The following MTCL1 variants were observed in gnomAD, a reference collection of about 807,000 sequenced individuals.
MTCL1 encodes the protein microtubule crosslinking factor 1.
In MTCL1, 79 loss-of-function variants were observed where a neutral mutation model predicts 141.4. The ratio of observed to expected loss-of-function variants is 0.56; its 90% confidence interval spans 0.47 to 0.67. The LOEUF (loss-of-function observed/expected upper bound fraction) is 0.67, where lower values mean the gene tolerates loss of function less well. Ranked by LOEUF, MTCL1 falls within the 30% of genes least tolerant of loss-of-function variation. The pLI is 0.00. For missense variants in MTCL1, 2,177 were observed against 2,113.9 expected (o/e 1.03, Z -0.59); for synonymous variants, 914 against 875.8 (o/e 1.04, Z -0.77).
chr18:8,815,021 G>T (rs1320920806), intron 12 of MTCL1, among the ~76,000 whole-genome samples: 1 of 152,136 alleles, frequency 6.6e-6, no homozygotes, highest in African/African-American at 2.4e-5. Flanking sequence ...TACACTGTTG[G>T]TGGGACTGTA....
intron 4 of MTCL1, among the ~76,000 whole-genome samples, chr18:8,737,076 C>T (rs2096278094): frequency 6.6e-6 from 1 of 152,218 alleles, no homozygotes; most frequent in African/African-American, 2.4e-5. Context: ...CTCCAGAAGA[C>T]ACCTTTTTGC....
Position 8,762,756 on chromosome 18 carries a change from A to C in MTCL1, c.358-15077A>C, listed in dbSNP as rs944381257. Among the ~76,000 whole-genome samples, 4 of 152,242 alleles carry C rather than the reference A, an allele frequency of 2.6e-5. 1 individual carries two copies. Among genetic ancestry groups the C allele is most frequent in the East Asian group, 1.9e-4 (1 of 5,158 alleles). Reference sequence around the variant, plus strand: ...CACAGCATGGGATGTGCAGGAAGGAAGCAATTGGGGAGCCCCTCTCGGTGA... The same window carrying C: ...CACAGCATGGGATGTGCAGGAAGGACGCAATTGGGGAGCCCCTCTCGGTGA... On this transcript the variant is annotated intron_variant, in intron 4 of 16. Coordinates refer to ENST00000359865, the Ensembl canonical transcript of MTCL1.
chr18:8,766,222 G>A (rs1265213754), intron 4 of MTCL1, among the ~76,000 whole-genome samples: 2 of 152,208 alleles, frequency 1.3e-5, no homozygotes, highest in Non-Finnish European at 2.9e-5. Flanking sequence ...CCAGGCCTGC[G>A]TTTCAGCAGG....
intron 4 of MTCL1, among the ~76,000 whole-genome samples, chr18:8,725,331 T>A (rs1395335614): frequency 2.6e-5 from 4 of 152,202 alleles, no homozygotes; most frequent in African/African-American, 9.7e-5. Context: ...TTGAGACTTC[T>A]TTTGTGCATA....
chr18:8,708,488 C>T (rs980717865), intron 1 of MTCL1, among the ~76,000 whole-genome samples: 12 of 152,078 alleles, frequency 7.9e-5, no homozygotes, highest in East Asian at 3.8e-4. Context: ...ATTTCACAGA[C>T]GGAGATGCTG....
intron 4 of MTCL1, among the ~76,000 whole-genome samples, chr18:8,751,262 G>A (rs147599374): frequency 1.2e-3 from 183 of 152,360 alleles, no homozygotes; most frequent in African/African-American, 4.1e-3. Context: ...GCTTGTGTGT[G>A]TTCTGTCAAA....
chr18:8,830,337 C>A lies in MTCL1; in HGVS notation c.*19-1270C>A. ...TTCCAGCCACAAAAGCAGCAGGGAG[C>A]ATGAAGCATAGTCTCCAGGGCCACT... On this transcript the variant is annotated intron_variant, in intron 16 of 16. Coordinates refer to ENST00000359865, the Ensembl canonical transcript of MTCL1. The surrounding 1 kb of genome is among the most constrained non-coding windows in gnomAD (Gnocchi z 6.4). 1 of 985,558 alleles carries A rather than the reference C, an allele frequency of 1.0e-6. No homozygotes were observed. Among genetic ancestry groups the A allele is most frequent in the African/African-American group, 1.7e-5 (1 of 57,376 alleles). The allele number at this position is 985,558 out of a possible 1,614,324, so 61.1% of individuals were successfully genotyped here. A position where few individuals can be genotyped will look rare whatever the true frequency, so the allele number is the denominator to read the frequency against.
intron 10 of MTCL1, among the ~76,000 whole-genome samples, chr18:8,798,681 A>T (rs903852175): frequency 6.6e-5 from 10 of 152,340 alleles, no homozygotes; most frequent in African/African-American, 1.9e-4. Context: ...CATGGACAAA[A>T]TATTTCAAGT....
rs537716747 is a variant in MTCL1, at chr18:8,745,936, A to G, written c.357+25440A>G. Among the ~76,000 whole-genome samples, 154 of 152,008 alleles carry G rather than the reference A, an allele frequency of 1.0e-3. 1 individual carries two copies. Among genetic ancestry groups the G allele is most frequent in the African/African-American group, 3.5e-3 (146 of 41,450 alleles). Reference sequence around the variant, plus strand: ...CCTGGCAACCACCATTCTATTTTCTACCTCTATGAAACTGCTATTCTGTGT... The same window carrying G: ...CCTGGCAACCACCATTCTATTTTCTGCCTCTATGAAACTGCTATTCTGTGT... On this transcript the variant is annotated intron_variant, in intron 4 of 16. Transcript: ENST00000359865.
At chr18:8,821,725 A>C (rs1358122085) in intron 14 of MTCL1, among the ~76,000 whole-genome samples, 2 of 152,188 alleles carry the variant, frequency 1.3e-5, no homozygotes, top group African/African-American at 4.8e-5. Flanking sequence ...TTTTATGGTA[A>C]GGACTTTCCA....
chr18:8,816,991 CACTT>C (rs1319612735), intron 12 of MTCL1, among the ~76,000 whole-genome samples: 1 of 152,170 alleles, frequency 6.6e-6, no homozygotes, highest in Non-Finnish European at 1.5e-5. Context: ...GGAAACCTAA[CACTT>C]AGCAGCTTGA....
chr18:8,795,021 G>A (rs1169527317), intron 8 of MTCL1, among the ~76,000 whole-genome samples: 1 of 152,206 alleles, frequency 6.6e-6, no homozygotes, highest in Non-Finnish European at 1.5e-5. Context: ...GGCTGCCCTT[G>A]TGTCCACAGG....
At chr18:8,735,259 C>T (rs1248734742) in intron 4 of MTCL1, among the ~76,000 whole-genome samples, 1 of 152,148 alleles carries the variant, frequency 6.6e-6, no homozygotes, top group Non-Finnish European at 1.5e-5. Flanking sequence ...TGGATTTGAA[C>T]CTGCCACTCA....
intron 7 of MTCL1, chr18:8,789,776 G>A (rs1462801880): frequency 2.5e-5 from 22 of 875,708 alleles, no homozygotes; most frequent in African/African-American, 3.6e-5. Flanking sequence ...GGGATTGGGT[G>A]GTAAAGGGAA....
chr18:8,731,351 A>C (rs2148867486), intron 4 of MTCL1, among the ~76,000 whole-genome samples: 1 of 152,260 alleles, frequency 6.6e-6, no homozygotes, highest in East Asian at 1.9e-4. Context: ...AGGCGGGCAG[A>C]TCACCTGAGG....
At position 8,783,509 on chromosome 18, in the gene MTCL1, CG is replaced by C. The variant is rs1169848315; in HGVS notation, c.418-18del. The C allele has an allele frequency of 1.3e-6, 2 of 1,567,334 alleles. No homozygotes were observed. Among genetic ancestry groups the C allele is most frequent in the East Asian group, 2.3e-5 (1 of 43,946 alleles). On this transcript the variant is annotated intron_variant, in intron 5 of 16. Transcript: ENST00000359865. ...TGGTATTTTCAAATAACCCTTCTCC[CG>C]GGCTGTTCTCTCCTGGCAGGATGAC...
At chr18:8,792,419 C>A (rs2075763574) in intron 7 of MTCL1, among the ~76,000 whole-genome samples, 1 of 152,216 alleles carries the variant, frequency 6.6e-6, no homozygotes, top group Non-Finnish European at 1.5e-5. Context: ...CGTTGGGAGG[C>A]CTGAAGCCGT....
chr18:8,810,284 G>A lies in MTCL1; in HGVS notation c.2605-2695G>A, dbSNP rs1242667049. The A allele has an allele frequency of 2.0e-5, 3 of 152,670 alleles. No homozygotes were observed. Among genetic ancestry groups the A allele is most frequent in the Non-Finnish European group, 4.4e-5 (3 of 68,402 alleles). The allele number at this position is 152,670 out of a possible 1,614,324, so 9.5% of individuals were successfully genotyped here. A position where few individuals can be genotyped will look rare whatever the true frequency, so the allele number is the denominator to read the frequency against. On this transcript the variant is annotated intron_variant, in intron 11 of 16. Coordinates refer to ENST00000359865, the Ensembl canonical transcript of MTCL1. The surrounding 1 kb of genome is among the most constrained non-coding windows in gnomAD (Gnocchi z 5.0). ...AGGGGAAAGAAGGAGCACAGACAGT[G>A]CAGTAACAGGAGCCGCGGAGTCATG...
chr18:8,825,957 C>A (rs2077010355), exon 15 of MTCL1: 1 of 1,598,066 alleles, frequency 6.3e-7, no homozygotes, highest in African/African-American at 1.3e-5. Context: ...GGGCCCAGGC[C>A]AGGAAACAGG....
Sources: gnomAD v4.1 joint callset for allele counts (sites outside exome capture counted in the v4.1 genomes callset) on GRCh38, gnomAD v4.1.1 for gene constraint, Gnocchi (gnomAD v3.1) non-coding constraint, MANE v1.5 for transcripts, NCBI Gene and HGNC (gene_info 2026-07-23, HGNC 2026-07-21) for gene names.